MALRD1: variants seen among roughly 807,000 people sequenced by gnomAD.
The protein encoded by MALRD1 is MAM and LDL-receptor class A domain-containing protein 1.
MALRD1 carries 247 observed loss-of-function variants against 242.1 expected under a neutral mutation model. That is an observed-to-expected ratio of 1.02 (90% confidence interval 0.92 to 1.13). The LOEUF is 1.13. MALRD1 is among the 50% of genes most tolerant of loss of function. The pLI is 0.00. For synonymous variants in MALRD1, 995 were observed against 866.6 expected (o/e 1.15, Z -2.60); for missense variants, 2,989 against 2,533.1 (o/e 1.18, Z -3.86).
chr10:19,201,329 T>C (rs1836528894), intron 14 of MALRD1, among the ~76,000 whole-genome samples: 1 of 152,178 alleles, frequency 6.6e-6, no homozygotes, highest in Non-Finnish European at 1.5e-5. Flanking sequence ...CATAATTATC[T>C]GTTGAAAATC....
intron 36 of MALRD1, among the ~76,000 whole-genome samples, chr10:19,640,582 T>G (rs1326987): frequency 0.055 from 8,316 of 152,290 alleles, 276 homozygotes; most frequent in Middle Eastern, 0.11. Context: ...TCCTTTCTAC[T>G]CTAACCCTGT....
At chr10:19,407,955 T>C (rs1833109997) in intron 28 of MALRD1, among the ~76,000 whole-genome samples, 1 of 152,156 alleles carries the variant, frequency 6.6e-6, no homozygotes, top group Non-Finnish European at 1.5e-5. Context: ...CATAACACTG[T>C]TACCAAACAC....
chr10:19,095,360 A>C (rs1329012007), intron 4 of MALRD1, among the ~76,000 whole-genome samples: 2 of 152,166 alleles, frequency 1.3e-5, no homozygotes, highest in Non-Finnish European at 2.9e-5. Flanking sequence ...CCCTTAACAG[A>C]TGGTTAAATG....
rs183472069 is a variant in MALRD1 at position 19,267,279 on chromosome 10, G to A, written c.3079+9508G>A. On this transcript the variant is annotated intron_variant, in intron 19 of 39. Transcript: ENST00000454679. ...ATGAATATCCATGTTTACATTATTA[G>A]TAATATTTTATTTTCCCCAGGATAA... Among the ~76,000 whole-genome samples, 61 of 152,084 alleles carry A rather than the reference G, an allele frequency of 4.0e-4. 1 individual carries two copies. In the South Asian group the frequency reaches 0.011, roughly 27 times the overall value.
intron 28 of MALRD1, among the ~76,000 whole-genome samples, chr10:19,436,380 C>T (rs1437662766): frequency 6.6e-6 from 1 of 152,136 alleles, no homozygotes; most frequent in East Asian, 1.9e-4. Context: ...CAGTCTATTA[C>T]CACAGGGATC....
intron 21 of MALRD1, among the ~76,000 whole-genome samples, chr10:19,313,302 T>TAA (rs141817671): frequency 6.1e-4 from 2 of 3,304 alleles, no homozygotes; most frequent in East Asian, 0.083. Context: ...CAATAAATAT[T>TAA]ATTAATATTA....
intron 35 of MALRD1, among the ~76,000 whole-genome samples, chr10:19,615,070 A>C (rs906288221): frequency 1.3e-5 from 2 of 152,094 alleles, no homozygotes; most frequent in African/African-American, 4.8e-5. Context: ...ACAGTTTCAA[A>C]TAGTTCCAAG....
chr10:19,245,555 G>T (rs1234651982), intron 18 of MALRD1, among the ~76,000 whole-genome samples: 1 of 152,156 alleles, frequency 6.6e-6, no homozygotes, highest in Admixed American at 6.6e-5. Flanking sequence ...TTATTTGCAT[G>T]TATGTGAAAA....
At chr10:19,256,191 A>G (rs1286371959) in intron 18 of MALRD1, among the ~76,000 whole-genome samples, 1 of 151,996 alleles carries the variant, frequency 6.6e-6, no homozygotes, top group Admixed American at 6.6e-5. Context: ...CTTCTAAGCA[A>G]TTTGTTAGCA....
At chr10:19,454,420 AT>A (rs1248039266) in intron 29 of MALRD1, among the ~76,000 whole-genome samples, 6 of 140,018 alleles carry the variant, frequency 4.3e-5, no homozygotes, top group Non-Finnish European at 7.7e-5. Context: ...ATATATATAT[AT>A]ATATATATAT....
At chr10:19,613,182 A>C (rs764747057) in intron 35 of MALRD1, among the ~76,000 whole-genome samples, 4 of 151,962 alleles carry the variant, frequency 2.6e-5, no homozygotes, top group Non-Finnish European at 2.9e-5. Context: ...ACTTGAGGAA[A>C]AACCCTGAAC....
chr10:19,373,203 C>CAAAAAAAGAAAAAAAAA (rs1845458873), intron 26 of MALRD1, among the ~76,000 whole-genome samples: 1 of 114,886 alleles, frequency 8.7e-6, no homozygotes, highest in Non-Finnish European at 1.8e-5. Flanking sequence ...ACGCTAAATA[C>CAAAAAAAGAAAAAAAAA]AAAAAAAAAA....
chr10:19,518,099 A>C (rs1833719158), intron 31 of MALRD1, among the ~76,000 whole-genome samples: 1 of 152,168 alleles, frequency 6.6e-6, no homozygotes, highest in African/African-American at 2.4e-5. Flanking sequence ...TTATTTCGGA[A>C]TATTGTCATT....
intron 29 of MALRD1, among the ~76,000 whole-genome samples, chr10:19,454,850 A>G (rs1463401506): frequency 2.0e-5 from 3 of 152,080 alleles, no homozygotes; most frequent in South Asian, 2.1e-4. Context: ...CTTACTTTCT[A>G]TGCAAAAACT....
intron 26 of MALRD1, among the ~76,000 whole-genome samples, chr10:19,381,367 C>T (rs1845831285): frequency 6.6e-6 from 1 of 151,852 alleles, no homozygotes; most frequent in Admixed American, 6.6e-5. Context: ...CCGCAATAAA[C>T]ATACGTGTGC....
chr10:19,575,824 A>G (rs1223515510), intron 33 of MALRD1, among the ~76,000 whole-genome samples: 1 of 152,142 alleles, frequency 6.6e-6, no homozygotes, highest in Non-Finnish European at 1.5e-5. Context: ...TTCTCATTTG[A>G]GACCTTATGA....
intron 34 of MALRD1, among the ~76,000 whole-genome samples, chr10:19,602,206 T>C (rs546616264): frequency 1.1e-3 from 159 of 150,654 alleles, no homozygotes; most frequent in African/African-American, 3.8e-3. Context: ...CTTTTTTTTT[T>C]TTTTTATACT....
At position 19,354,128 on chromosome 10, in the gene MALRD1, A is replaced by G. The variant is rs367953959; in HGVS notation, c.4441+1831A>G. Among the ~76,000 whole-genome samples, 9 of 152,282 alleles carry G rather than the reference A, an allele frequency of 5.9e-5. No homozygotes were observed. The East Asian group carries it at 1.7e-3, about 29-fold the overall frequency. On this transcript the variant is annotated intron_variant, in intron 26 of 39. Transcript: ENST00000454679. ...ACAAACCAATCTTGTTGGGGATTTT[A>G]AGACTTTAAACTTGTAAAATCTTGA...
At chr10:19,355,057 C>A (rs1462064794) in intron 26 of MALRD1, among the ~76,000 whole-genome samples, 1 of 152,062 alleles carries the variant, frequency 6.6e-6, no homozygotes, top group Non-Finnish European at 1.5e-5. Flanking sequence ...AGGGAAAGAT[C>A]CCTTCAGTTT....
Sources: allele counts gnomAD v4.1 joint callset (sites outside exome capture counted in the v4.1 genomes callset), GRCh38; gene constraint gnomAD v4.1.1; transcripts MANE v1.5; gene names NCBI Gene and HGNC (gene_info 2026-07-23, HGNC 2026-07-21).